SLC4A4: variants seen among roughly 807,000 people sequenced by gnomAD.
The protein encoded by SLC4A4 is solute carrier family 4 member 4.
A neutral mutation model predicts 111.5 loss-of-function variants in SLC4A4; 27 were observed. The observed-to-expected ratio is 0.24, with a 90% confidence interval of 0.18 to 0.33. The LOEUF is 0.33. Ranked by LOEUF, SLC4A4 falls within the 10% of genes least tolerant of loss-of-function variation. The pLI, the probability that SLC4A4 is intolerant of heterozygous loss-of-function variation, is 1.00. For missense variants in SLC4A4, 909 were observed against 1,315.5 expected (o/e 0.69, Z 4.78); for synonymous variants, 443 against 463.4 (o/e 0.96, Z 0.57).
At chr4:71,298,580 G>C (rs1351583873) in intron 3 of SLC4A4, among the ~76,000 whole-genome samples, 1 of 152,180 alleles carries the variant, frequency 6.6e-6, no homozygotes, top group African/African-American at 2.4e-5. Context: ...GAGAAATTAT[G>C]TAGCTCTTCT....
At chr4:71,150,285 A>AAAT (rs1344314040) in intron 2 of SLC4A4, among the ~76,000 whole-genome samples, 1 of 152,110 alleles carries the variant, frequency 6.6e-6, no homozygotes, top group East Asian at 1.9e-4. Context: ...GGAATGGGTG[A>AAAT]AATAGCAACT....
intron 2 of SLC4A4, among the ~76,000 whole-genome samples, chr4:71,157,882 G>A (rs1006348217): frequency 2.6e-5 from 4 of 152,090 alleles, no homozygotes; most frequent in Non-Finnish European, 5.9e-5. Flanking sequence ...AACCAACTAA[G>A]AAACTCTATA....
At chr4:71,394,383 C>G (rs1296309751) in intron 6 of SLC4A4, among the ~76,000 whole-genome samples, 2 of 151,708 alleles carry the variant, frequency 1.3e-5, no homozygotes, top group Admixed American at 1.3e-4. Context: ...GCAAATGGCC[C>G]AACAAACATG....
chr4:71,239,397 C>G (rs1720036749), intron 2 of SLC4A4, among the ~76,000 whole-genome samples: 1 of 152,056 alleles, frequency 6.6e-6, no homozygotes, highest in Non-Finnish European at 1.5e-5. Flanking sequence ...TTAGGGTCCC[C>G]TAATTTGGGG....
chr4:71,080,447 T>C (rs1741961583), intron 1 of SLC4A4, among the ~76,000 whole-genome samples: 1 of 151,998 alleles, frequency 6.6e-6, no homozygotes, highest in Non-Finnish European at 1.5e-5. Flanking sequence ...GCGCTTTCAA[T>C]AAACCAATTG....
intron 2 of SLC4A4, among the ~76,000 whole-genome samples, chr4:71,120,704 A>C (rs10000279): frequency 0.028 from 4,295 of 152,242 alleles, 77 homozygotes; most frequent in Middle Eastern, 0.058. Flanking sequence ...CCCATCTCTA[A>C]TAAAAATACA....
intron 16 of SLC4A4, among the ~76,000 whole-genome samples, chr4:71,528,807 G>A (rs1733670761): frequency 1.3e-5 from 2 of 151,876 alleles, no homozygotes; most frequent in South Asian, 4.1e-4. Context: ...TAGAATAAAA[G>A]TGGAAAAATC....
rs543285550 is a variant in SLC4A4, at chr4:71,415,110, T to G, written c.807+17457T>G. Reference sequence around the variant, plus strand: ...AGCCTTAGCATGAGATGCTGTCTCTTCAACCTTCTCAAGCTAAAATGCATG... The same window carrying G: ...AGCCTTAGCATGAGATGCTGTCTCTGCAACCTTCTCAAGCTAAAATGCATG... On this transcript the variant is annotated intron_variant, in intron 7 of 25. Coordinates refer to ENST00000264485, the MANE Select transcript of SLC4A4 (RefSeq NM_001098484.3). 4.6e-5 allele frequency among the ~76,000 whole-genome samples: 7 copies of G among 152,330 alleles called. No homozygotes were observed. The South Asian group carries it at 1.5e-3, about 32-fold the overall frequency.
At position 71,193,580 on chromosome 4, in the gene SLC4A4, T is replaced by C. The variant is rs370213030; in HGVS notation, c.-2+6179T>C. Among the ~76,000 whole-genome samples the C allele has an allele frequency of 7.2e-5, 11 of 152,342 alleles. No individual in the cohort carries two copies. In the East Asian group the frequency reaches 1.9e-3, roughly 27 times the overall value. On this transcript the variant is annotated intron_variant, in intron 1 of 25. Transcript: ENST00000264485. ...CTACCAGCATTGTGTGAGAGTATCA[T>C]CTACCCCACATCCTTACAAAAGGGG...
chr4:71,490,519 A>G (rs1020709829), intron 15 of SLC4A4, among the ~76,000 whole-genome samples: 2 of 151,780 alleles, frequency 1.3e-5, no homozygotes, highest in Admixed American at 6.6e-5. Flanking sequence ...TTCTTTGCCC[A>G]AATACTCTGC....
chr4:71,156,268 T>C (rs1744459668), intron 2 of SLC4A4, among the ~76,000 whole-genome samples: 2 of 149,684 alleles, frequency 1.3e-5, no homozygotes, highest in Middle Eastern at 3.4e-3. Flanking sequence ...CTCAGAAAGG[T>C]TTTTTGATAC....
chr4:71,401,960 G>T (rs911857266), intron 7 of SLC4A4, among the ~76,000 whole-genome samples: 1 of 152,134 alleles, frequency 6.6e-6, no homozygotes, highest in African/African-American at 2.4e-5. Flanking sequence ...TCATTATTTA[G>T]CTGGCTAATC....
chr4:71,235,477 C>T (rs921578603), intron 1 of SLC4A4, among the ~76,000 whole-genome samples: 2 of 152,164 alleles, frequency 1.3e-5, no homozygotes, highest in African/African-American at 2.4e-5. Flanking sequence ...GGCTCATGTA[C>T]GGTATGACAT....
chr4:71,461,615 A>G (rs762930434), intron 12 of SLC4A4, among the ~76,000 whole-genome samples: 1 of 152,204 alleles, frequency 6.6e-6, no homozygotes, highest in Non-Finnish European at 1.5e-5. Context: ...GCTGAAAGAC[A>G]TAAAATGCTG....
At chr4:71,462,224 A>AT (rs1194729397) in intron 12 of SLC4A4, among the ~76,000 whole-genome samples, 2 of 152,050 alleles carry the variant, frequency 1.3e-5, no homozygotes, top group African/African-American at 2.4e-5. Context: ...TTATTCTTTC[A>AT]TTTTATCCAA....
At chr4:71,106,366 G>A (rs1427148494) in intron 2 of SLC4A4, among the ~76,000 whole-genome samples, 1 of 151,208 alleles carries the variant, frequency 6.6e-6, no homozygotes, top group Non-Finnish European at 1.5e-5. Flanking sequence ...TCAGTGTGGC[G>A]ACTCCTCAGG....
intron 24 of SLC4A4, 143 bp from the exon 25 acceptor site, chr4:71,566,861 T>G: frequency 1.6e-6 from 1 of 614,922 alleles, no homozygotes. Context: ...GAGTCTTAGC[T>G]TAATACCTTG....
At chr4:71,263,816 T>G (rs1207021219) in intron 3 of SLC4A4, among the ~76,000 whole-genome samples, 1 of 152,172 alleles carries the variant, frequency 6.6e-6, no homozygotes, top group Non-Finnish European at 1.5e-5. Context: ...TTTTTTCTTA[T>G]GGGAAATATA....
At chr4:71,514,511 A>G (rs771746387) in intron 16 of SLC4A4, among the ~76,000 whole-genome samples, 49 of 152,306 alleles carry the variant, frequency 3.2e-4, no homozygotes, top group Admixed American at 5.2e-4. Flanking sequence ...AAGTAATGCG[A>G]TAATTGACTA....
Sources: gnomAD v4.1 joint callset for allele counts (sites outside exome capture counted in the v4.1 genomes callset) on GRCh38, gnomAD v4.1.1 for gene constraint, MANE v1.5 for transcripts, NCBI Gene and HGNC (gene_info 2026-07-23, HGNC 2026-07-21) for gene names.